Variants in PLA2G4D observed in about 807,000 individuals in gnomAD.
PLA2G4D encodes cytosolic phospholipase A2 delta.
PLA2G4D carries 80 observed loss-of-function variants against 94.4 expected under a neutral mutation model. That is an observed-to-expected ratio of 0.85 (90% confidence interval 0.71 to 1.02). The LOEUF is 1.02. PLA2G4D is among the 50% of genes least tolerant of loss of function. The pLI, the probability that PLA2G4D is intolerant of heterozygous loss-of-function variation, is 0.00. For synonymous variants in PLA2G4D, 438 were observed against 440.9 expected, an observed-to-expected ratio of 0.99 and a Z score of 0.08; for missense variants, 1,050 against 1,034.7, an observed-to-expected ratio of 1.01 and a Z score of -0.20.
intron 13 of PLA2G4D, among the ~76,000 whole-genome samples, chr15:42,075,205 AT>A (rs1444610091): frequency 1.3e-5 from 2 of 152,250 alleles, no homozygotes; most frequent in African/African-American, 4.8e-5. Flanking sequence ...CAATTAAAAA[AT>A]GTCTTCTAAA....
At position 42,077,688 on chromosome 15, in the gene PLA2G4D, A is replaced by C. The variant is rs1362314351; in HGVS notation, c.1317+1849T>G. Among the ~76,000 whole-genome samples, 4 of 152,284 alleles carry C rather than the reference A, an allele frequency of 2.6e-5. No individual in the cohort carries two copies. In the East Asian group the frequency reaches 7.7e-4, roughly 29 times the overall value. On this transcript the variant is annotated intron_variant, in intron 13 of 19. Transcript: ENST00000290472. Reference sequence around the variant, plus strand: ...TTCCAATCCATCCTGCCTACTGACCAGGAGAATTAAAATGTTCTGCCTATG... The same window carrying C: ...TTCCAATCCATCCTGCCTACTGACCCGGAGAATTAAAATGTTCTGCCTATG...
At chr15:42,094,043 C>T (rs1043401280) in intron 1 of PLA2G4D, among the ~76,000 whole-genome samples, 20 of 152,142 alleles carry the variant, frequency 1.3e-4, no homozygotes, top group African/African-American at 4.8e-4. Context: ...ACAGGGTGAT[C>T]CCAGGGCTCC....
At chr15:42,076,946 G>A (rs1338751225) in intron 13 of PLA2G4D, among the ~76,000 whole-genome samples, 1 of 152,086 alleles carries the variant, frequency 6.6e-6, no homozygotes, top group African/African-American at 2.4e-5. Context: ...TTTTCTTAAG[G>A]ATATATATGT....
chr15:42,070,143 A>T (rs910379376), intron 18 of PLA2G4D, 48 bp from the exon 19 acceptor site: 67 of 1,416,760 alleles, frequency 4.7e-5, no homozygotes, highest in Middle Eastern at 2.5e-4. Flanking sequence ...GCCCAGGTCA[A>T]TGCTGGGCCA....
In PLA2G4D at chr15:42,086,194, T is replaced by TGGGGGGGGGGCG; in HGVS notation, c.387+18_387+19insCGCCCCCCCCCC. ...GGAAGAAGTGGGGCCCACGGGGACTTCCCCACCCACCCACCCACCTGGGGA... is the reference window on the plus strand; with the variant it reads ...GGAAGAAGTGGGGCCCACGGGGACTTGGGGGGGGGGCGCCCCACCCACCCACCCACCTGGGGA... On this transcript the variant is annotated intron_variant, in intron 4 of 19. Transcript: ENST00000290472. 2.8e-5 allele frequency: 39 copies of TGGGGGGGGGGCG among 1,370,398 alleles called. No homozygotes were observed. The highest frequency in any genetic ancestry group is 3.5e-5 in the Non-Finnish European group (36 of 1,043,046). 84.9% of individuals were successfully genotyped at this position (1,370,398 alleles called of 1,614,324 possible). A position where few individuals can be genotyped will look rare whatever the true frequency, so the allele number is the denominator to read the frequency against.
At chr15:42,083,057 A>G (rs1278071430) in intron 8 of PLA2G4D, 141 bp downstream of exon 8, 40 of 1,136,952 alleles carry the variant, frequency 3.5e-5, no homozygotes, top group Non-Finnish European at 4.9e-5. Flanking sequence ...GTGTCTGCCA[A>G]GAGTGAGGTG....
intron 13 of PLA2G4D, among the ~76,000 whole-genome samples, chr15:42,073,409 C>A (rs1038322366): frequency 6.6e-6 from 1 of 152,162 alleles, no homozygotes; most frequent in African/African-American, 2.4e-5. Context: ...GCTAGAATTG[C>A]AAATAGAGCT....
intron 13 of PLA2G4D, among the ~76,000 whole-genome samples, chr15:42,073,199 A>T (rs1038879061): frequency 6.6e-6 from 1 of 152,154 alleles, no homozygotes; most frequent in South Asian, 2.1e-4. Flanking sequence ...GAGTTACATC[A>T]TGTTGCCCAG....
chr15:42,070,535 C>T (rs928380732), intron 18 of PLA2G4D, 182 bp downstream of exon 18: 4 of 722,902 alleles, frequency 5.5e-6, no homozygotes, highest in South Asian at 2.0e-5. Context: ...GAGCCCAAGG[C>T]CCCTGCACCA....
chr15:42,082,228 A>G, intron 9 of PLA2G4D, 51 bp downstream of exon 9: 2 of 1,484,822 alleles, frequency 1.3e-6, no homozygotes, highest in Non-Finnish European at 1.9e-6. Flanking sequence ...CACAGAGCCC[A>G]GCCTTATCTT....
Position 42,071,794 on chromosome 15 carries a change from G to T in PLA2G4D, c.1553C>A (p.Pro518His), listed in dbSNP as rs537584178. The change falls in exon 15 of 20, where the codon CCC becomes CAC. Residue 518 changes from proline (P) to histidine (H), a missense_variant. Coordinates refer to ENST00000290472, the MANE Select transcript of PLA2G4D (RefSeq NM_178034.4). ...MGRLMRRIPEPRICFLEAIWS... is the reference protein window; with the variant it reads ...MGRLMRRIPEHRICFLEAIWS... ...CTCACCTTCCAGAAAGCAGATCCGG[G>T]GCTCCGGGATCCTCCTCATCAGCCG... 1.1e-5 allele frequency: 17 copies of T among 1,614,140 alleles called. No individual in the cohort carries two copies. The East Asian group carries it at 2.9e-4, about 28-fold the overall frequency.
At chr15:42,080,441 C>T (rs528771835) in intron 12 of PLA2G4D, among the ~76,000 whole-genome samples, 1 of 152,308 alleles carries the variant, frequency 6.6e-6, no homozygotes, top group East Asian at 1.9e-4. Context: ...GTAATGCTAG[C>T]TTTAGGTAGA....
chr15:42,080,202 T>C (rs1890011330), intron 12 of PLA2G4D, among the ~76,000 whole-genome samples: 1 of 152,172 alleles, frequency 6.6e-6, no homozygotes, highest in Non-Finnish European at 1.5e-5. Flanking sequence ...GTGGCTACCA[T>C]AGTGGCTTAC....
At chr15:42,071,654 A>AC (rs1889821699) in intron 15 of PLA2G4D, 103 bp from the exon 16 acceptor site, 3 of 1,393,890 alleles carry the variant, frequency 2.2e-6, no homozygotes, top group Admixed American at 1.8e-5. Context: ...CCTACAATGC[A>AC]TCCCCCCCGC....
At chr15:42,090,711 C>A (rs1392021495) in intron 1 of PLA2G4D, among the ~76,000 whole-genome samples, 1 of 152,120 alleles carries the variant, frequency 6.6e-6, no homozygotes, top group South Asian at 2.1e-4. Context: ...GCTCCCAAAT[C>A]GCTGACACTT....
At chr15:42,091,056 T>C (rs113336192) in intron 1 of PLA2G4D, among the ~76,000 whole-genome samples, 12,358 of 152,200 alleles carry the variant, frequency 0.081, 593 homozygotes, top group Middle Eastern at 0.14. Context: ...CGAGCCACAG[T>C]CATTTCTCAT....
intron 14 of PLA2G4D, 33 bp downstream of exon 14, chr15:42,072,242 G>T (rs192677374): frequency 3.9e-6 from 6 of 1,547,526 alleles, no homozygotes; most frequent in Non-Finnish European, 5.3e-6. Context: ...TTGGGGGGTG[G>T]AGTATGTGGG....
In PLA2G4D at chr15:42,068,840, A is replaced by G. The variant is rs1889741307; in HGVS notation, c.2332T>C (p.Phe778Leu). The change falls in exon 20 of 20, where the codon TTC becomes CTC. Residue 778 changes from phenylalanine to leucine, a missense_variant. Transcript: ENST00000290472. Reference sequence around the variant, plus strand: ...TCACTGAGCCGCAGCAGGCGCTCGAAGTCTTCCTCCTTGTAGGTCATGTTG... The same window carrying G: ...TCACTGAGCCGCAGCAGGCGCTCGAGGTCTTCCTCCTTGTAGGTCATGTTG... Reference protein sequence around the residue: ...LSNMTYKEEDFERLLRLSDYN... With the variant: ...LSNMTYKEEDLERLLRLSDYN... The G allele has an allele frequency of 1.2e-6, 2 of 1,613,914 alleles. No individual in the cohort carries two copies. Among genetic ancestry groups the G allele is most frequent in the African/African-American group, 1.3e-5 (1 of 74,950 alleles).
At position 42,086,132 on chromosome 15, in the gene PLA2G4D, C is replaced by T. The variant is rs1005078735; in HGVS notation, c.387+81G>A. Reference sequence around the variant, plus strand: ...TGAGTTCACCCCAGCAGCCTCCCAACAGGTGGGAGAAATAGCTACTTCCTC... The same window carrying T: ...TGAGTTCACCCCAGCAGCCTCCCAATAGGTGGGAGAAATAGCTACTTCCTC... On this transcript the variant is annotated intron_variant, in intron 4 of 19. Coordinates refer to ENST00000290472, the MANE Select transcript of PLA2G4D (RefSeq NM_178034.4). 12 of 1,439,416 alleles carry T rather than the reference C, an allele frequency of 8.3e-6. No homozygotes were observed. The African/African-American group carries it at 1.0e-4, about 12-fold the overall frequency. 89.2% of individuals were successfully genotyped at this position (1,439,416 alleles called of 1,614,324 possible).
Sources: gnomAD v4.1 joint callset for allele counts (sites outside exome capture counted in the v4.1 genomes callset) on GRCh38, gnomAD v4.1.1 for gene constraint, MANE v1.5 for transcripts, NCBI Gene and HGNC (gene_info 2026-07-23, HGNC 2026-07-21) for gene names.